Variants in ARPIN observed in about 807,000 individuals in gnomAD.
The protein encoded by ARPIN is actin related protein 2/3 complex inhibitor, also known as UPF0552 protein C15orf38.
In ARPIN, 23 loss-of-function variants were observed where a neutral mutation model predicts 25.9. The ratio of observed to expected loss-of-function variants is 0.89; its 90% CI spans 0.64 to 1.26. The LOEUF (loss-of-function observed/expected upper bound fraction) is 1.26. ARPIN is among the 50% of genes most tolerant of loss of function. The pLI is 0.00. For synonymous variants in ARPIN, 126 were observed against 131.4 expected, an observed-to-expected ratio of 0.96 and a Z score of 0.28; for missense variants, 333 against 312.2, an observed-to-expected ratio of 1.07 and a Z score of -0.50.
In ARPIN at chr15:89,898,645, T is replaced by A. The variant is rs1404108114; in HGVS notation, c.*3150A>T. The A allele has an allele frequency of 6.6e-6, 1 of 152,178 alleles. No individual in the cohort carries two copies. The highest frequency in any genetic ancestry group is 1.9e-4 in the East Asian group (1 of 5,192). 9.4% of individuals were successfully genotyped at this position (152,178 alleles called of 1,614,324 possible). On this transcript the variant is annotated 3_prime_UTR_variant, in exon 6 of 6. Transcript: ENST00000357484. ...ACCTGTGGAAGATCCCTCAGGCTGG[T>A]CTGAAAGAATCGCCCCAGAGCTCTT...
intron 3 of ARPIN, among the ~76,000 whole-genome samples, chr15:89,907,873 A>C (rs1463211973): frequency 6.6e-6 from 1 of 152,380 alleles, no homozygotes; most frequent in East Asian, 1.9e-4. Flanking sequence ...ATTGTTAATA[A>C]ATCACCCAGC....
rs1896934849 is a variant in ARPIN at position 89,896,613 on chromosome 15, G to T, written c.*5182C>A. ...GATATATAAAGTTTTTTTATAAAAA[G>T]AATTATTTAATGGAAAAATCGTTGT... On this transcript the variant is annotated 3_prime_UTR_variant, in exon 6 of 6. Transcript: ENST00000357484. The T allele has an allele frequency of 6.6e-6, 1 of 151,986 alleles. No homozygotes were observed. Among genetic ancestry groups the T allele is most frequent in the Non-Finnish European group, 1.5e-5 (1 of 67,984 alleles). The allele number at this position is 151,986 out of a possible 1,614,324, so 9.4% of individuals were successfully genotyped here.
rs888095842 is a variant in ARPIN, at chr15:89,899,887, T to C, written c.*1908A>G. 6.6e-6 allele frequency: 1 copy of C among 152,304 alleles called. No homozygotes were observed. Among genetic ancestry groups the C allele is most frequent in the Admixed American group, 6.6e-5 (1 of 15,266 alleles). 9.4% of individuals were successfully genotyped at this position (152,304 alleles called of 1,614,324 possible). A position where few individuals can be genotyped will look rare whatever the true frequency, so the allele number is the denominator to read the frequency against. On this transcript the variant is annotated 3_prime_UTR_variant, in exon 6 of 6. Coordinates refer to ENST00000357484, the MANE Select transcript of ARPIN (RefSeq NM_182616.4). ...GCCTCATCTCAAACACCAGCCCCCA[T>C]TCTCTGAGCTCCAGACACAATGGTC...
At chr15:89,909,803 C>T (rs973207083) in intron 2 of ARPIN, among the ~76,000 whole-genome samples, 3 of 152,138 alleles carry the variant, frequency 2.0e-5, no homozygotes, top group African/African-American at 4.8e-5. Flanking sequence ...GGCAAGGGCC[C>T]AATGCCAGCA....
At chr15:89,909,298 C>T (rs1897183110) in intron 2 of ARPIN, among the ~76,000 whole-genome samples, 1 of 151,890 alleles carries the variant, frequency 6.6e-6, no homozygotes, top group South Asian at 2.1e-4. Context: ...GGGTGAAATG[C>T]TCCCAGGGCC....
chr15:89,910,591 C>A lies in ARPIN; in HGVS notation c.168+153G>T, dbSNP rs149328357. On this transcript the variant is annotated intron_variant, in intron 2 of 5. Transcript: ENST00000357484. ...TCTTCCAGCTGGTGGTCCCATTTGG[C>A]TATAAATCTCCTGACCTACTTCCCA... Among the ~76,000 whole-genome samples the A allele has an allele frequency of 2.1e-3, 313 of 152,262 alleles. 2 individuals carry two copies. Among genetic ancestry groups the A allele is most frequent in the African/African-American group, 7.3e-3 (305 of 41,548 alleles).
chr15:89,905,667 C>T (rs529992125), intron 3 of ARPIN, among the ~76,000 whole-genome samples: 81 of 152,206 alleles, frequency 5.3e-4, no homozygotes, highest in African/African-American at 1.7e-3. Context: ...CCCTTGGCTT[C>T]GCGGGGCTTT....
chr15:89,904,546 G>C (rs1897085081), intron 3 of ARPIN, among the ~76,000 whole-genome samples: 1 of 152,176 alleles, frequency 6.6e-6, no homozygotes, highest in Admixed American at 6.5e-5. Flanking sequence ...CTGGAACCAG[G>C]AGTAAACTCT....
At chr15:89,910,887 CTATTTACCCAGCCCTGAGAAGGCTGGG>C (rs11275778) in intron 1 of ARPIN, 68 bp from the exon 2 acceptor site, 162,367 of 1,579,962 alleles carry the variant, frequency 0.1, 8,883 homozygotes, top group African/African-American at 0.15. Flanking sequence ...CCCGTGTCTC[CTATTTACCCAGCCCTGAGAAGGCTGGG>C]TACTGAGCAG....
At chr15:89,910,661 A>G in intron 2 of ARPIN, 83 bp downstream of exon 2, 1 of 1,565,082 alleles carries the variant, frequency 6.4e-7, no homozygotes, top group African/African-American at 1.4e-5. Context: ...TGGCACTGGA[A>G]GGACCCAGCA....
intron 5 of ARPIN, chr15:89,902,738 A>T: frequency 2.0e-6 from 1 of 505,728 alleles, no homozygotes; most frequent in Non-Finnish European, 2.6e-6. Context: ...AAGAAAAGCA[A>T]CTGTGAATAG....
chr15:89,901,457 T>G lies in ARPIN; in HGVS notation c.*338A>C. The G allele has an allele frequency of 3.3e-6, 1 of 304,302 alleles. No individual in the cohort carries two copies. Among genetic ancestry groups the G allele is most frequent in the Non-Finnish European group, 6.2e-6 (1 of 161,720 alleles). 18.9% of individuals were successfully genotyped at this position (304,302 alleles called of 1,614,324 possible). A position where few individuals can be genotyped will look rare whatever the true frequency, so the allele number is the denominator to read the frequency against. On this transcript the variant is annotated 3_prime_UTR_variant, in exon 6 of 6. Coordinates refer to ENST00000357484, the MANE Select transcript of ARPIN (RefSeq NM_182616.4). ...ACCTTGGGAGGTGGAGGGGGGTGGA[T>G]CGCTTGAGTCCAGGAGTTTGAGATC...
chr15:89,905,960 C>T (rs1897113386), intron 3 of ARPIN, among the ~76,000 whole-genome samples: 1 of 152,066 alleles, frequency 6.6e-6, no homozygotes, highest in Non-Finnish European at 1.5e-5. Flanking sequence ...AACAGACCTC[C>T]TCCCCACAAA....
intron 3 of ARPIN, among the ~76,000 whole-genome samples, chr15:89,906,900 A>G (rs977085894): frequency 3.3e-5 from 5 of 151,144 alleles, no homozygotes; most frequent in African/African-American, 4.9e-5. Flanking sequence ...GGTTGCAGTG[A>G]TCCAAGATTG....
rs1330258308 is a variant in ARPIN at position 89,900,141 on chromosome 15, C to G, written c.*1654G>C. The G allele has an allele frequency of 6.6e-6, 1 of 152,386 alleles. No homozygotes were observed. The highest frequency in any genetic ancestry group is 2.4e-5 in the African/African-American group (1 of 41,438). The allele number at this position is 152,386 out of a possible 1,614,324, so 9.4% of individuals were successfully genotyped here. A position where few individuals can be genotyped will look rare whatever the true frequency, so the allele number is the denominator to read the frequency against. On this transcript the variant is annotated 3_prime_UTR_variant, in exon 6 of 6. Transcript: ENST00000357484. Reference sequence around the variant, plus strand: ...CTGCTCAACCACCTCCCTGGCCACCCCCATGGCTGAGGTCCCAGCATGGCC... The same window carrying G: ...CTGCTCAACCACCTCCCTGGCCACCGCCATGGCTGAGGTCCCAGCATGGCC...
At chr15:89,911,501 T>C (rs1280237973) in intron 1 of ARPIN, among the ~76,000 whole-genome samples, 1 of 152,092 alleles carries the variant, frequency 6.6e-6, no homozygotes, top group East Asian at 1.9e-4. Flanking sequence ...TGGAGAAGCA[T>C]GGGGACAGCT....
chr15:89,908,827 T>TA (rs1018905540), intron 2 of ARPIN, among the ~76,000 whole-genome samples: 6 of 151,754 alleles, frequency 4.0e-5, no homozygotes, highest in African/African-American at 1.5e-4. Context: ...ATCAAAAATA[T>TA]AAAAAATTAG....
rs758038205 is a variant in ARPIN, at chr15:89,903,973, G to A, written c.312C>T (p.Ala104=). Residue 104 remains alanine, a synonymous_variant, in exon 4 of 6, where the codon GCC becomes GCT. Transcript: ENST00000357484. ...GCGTGAGCCTGTCAGTGTCCCCCTT[G>A]GCTTCCACCTCTGCAGGCACAGAGC... ...GFLMSSYKVE[A]KGDTDRLTPE... is the part of the protein sequence containing the mutation. 6 of 1,606,010 alleles carry A rather than the reference G, an allele frequency of 3.7e-6. No individual in the cohort carries two copies. The highest frequency in any genetic ancestry group is 4.5e-5 in the East Asian group (2 of 44,810).
rs1461493436 is a variant in ARPIN at position 89,900,353 on chromosome 15, G to C, written c.*1442C>G. 6.6e-6 allele frequency: 1 copy of C among 152,190 alleles called. No individual in the cohort carries two copies. The highest frequency in any genetic ancestry group is 1.9e-4 in the East Asian group (1 of 5,202). The allele number at this position is 152,190 out of a possible 1,614,324, so 9.4% of individuals were successfully genotyped here. On this transcript the variant is annotated 3_prime_UTR_variant, in exon 6 of 6. Transcript: ENST00000357484. ...GCTACTCATTAGCTGTGTGACTCTG[G>C]GCAGGTTGCTTAACCTGTCTGAGAC...
Sources: allele counts gnomAD v4.1 joint callset (sites outside exome capture counted in the v4.1 genomes callset), GRCh38; gene constraint gnomAD v4.1.1; transcripts MANE v1.5; gene names NCBI Gene and HGNC (gene_info 2026-07-23, HGNC 2026-07-21).